The following DCC variants were observed in gnomAD, a reference collection of about 807,000 sequenced individuals.
DCC encodes the protein netrin receptor DCC.
In DCC, 58 loss-of-function variants were observed where a neutral mutation model predicts 172.5. The ratio of observed to expected loss-of-function variants is 0.34; its 90% CI spans 0.27 to 0.42. The LOEUF is 0.42. DCC is among the 10% of genes least tolerant of loss of function. The pLI is 1.00. For synonymous variants in DCC, 709 were observed against 644.5 expected (o/e 1.10, Z -1.52); for missense variants, 1,740 against 1,791.0 (o/e 0.97, Z 0.51).
chr18:52,459,136 C>G (rs1040443228), intron 1 of DCC, among the ~76,000 whole-genome samples: 1 of 152,046 alleles, frequency 6.6e-6, no homozygotes, highest in African/African-American at 2.4e-5. Flanking sequence ...TCTCTGATAA[C>G]TCTCACATCA....
chr18:52,837,319 C>G (rs1378290226), intron 2 of DCC, among the ~76,000 whole-genome samples: 1 of 152,180 alleles, frequency 6.6e-6, no homozygotes, highest in East Asian at 1.9e-4. Context: ...TGAATTTCTC[C>G]CCAGAAAATG....
intron 8 of DCC, among the ~76,000 whole-genome samples, chr18:53,163,551 G>A (rs1046340091): frequency 3.3e-5 from 5 of 152,132 alleles, no homozygotes; most frequent in African/African-American, 1.2e-4. Context: ...CAATAACTTT[G>A]TCAGGAAAGT....
chr18:53,370,355 G>A (rs934198519), intron 15 of DCC, among the ~76,000 whole-genome samples: 1 of 151,496 alleles, frequency 6.6e-6, no homozygotes, highest in African/African-American at 2.4e-5. Flanking sequence ...AGTTCATCAA[G>A]CCAAAGGTTT....
At chr18:53,197,006 A>G (rs531251503) in intron 9 of DCC, among the ~76,000 whole-genome samples, 1 of 152,096 alleles carries the variant, frequency 6.6e-6, no homozygotes, top group Non-Finnish European at 1.5e-5. Context: ...CATTCCCCAT[A>G]CAGAATAGAA....
chr18:52,613,363 C>T (rs1359553860), intron 1 of DCC, among the ~76,000 whole-genome samples: 1 of 152,158 alleles, frequency 6.6e-6, no homozygotes, highest in African/African-American at 2.4e-5. Flanking sequence ...TCACACCATC[C>T]TCCTGCCTCA....
intron 2 of DCC, among the ~76,000 whole-genome samples, chr18:52,769,198 C>A (rs569104137): frequency 6.6e-6 from 1 of 152,292 alleles, no homozygotes; most frequent in Non-Finnish European, 1.5e-5. Context: ...TTTCCACTAG[C>A]AATTAATGAC....
chr18:52,364,594 G>T (rs1015021252), intron 1 of DCC, among the ~76,000 whole-genome samples: 1 of 152,132 alleles, frequency 6.6e-6, no homozygotes, highest in Non-Finnish European at 1.5e-5. Flanking sequence ...GCATTCCTCC[G>T]AAGATCCTCT....
intron 5 of DCC, among the ~76,000 whole-genome samples, chr18:52,965,625 G>C (rs149206121): frequency 0.013 from 2,050 of 152,076 alleles, 61 homozygotes; most frequent in African/African-American, 0.047. Context: ...AAGGTATTTG[G>C]TTATTTCAAT....
intron 7 of DCC, among the ~76,000 whole-genome samples, chr18:53,107,386 T>G (rs954988604): frequency 6.6e-6 from 1 of 151,710 alleles, no homozygotes; most frequent in Admixed American, 6.6e-5. Flanking sequence ...ATTGGGCCCA[T>G]TTTTCTGGCC....
intron 19 of DCC, among the ~76,000 whole-genome samples, chr18:53,405,917 A>G (rs972199667): frequency 6.6e-6 from 1 of 152,188 alleles, no homozygotes; most frequent in African/African-American, 2.4e-5. Flanking sequence ...TAATTATTAC[A>G]CTATGTTTTG....
intron 24 of DCC, among the ~76,000 whole-genome samples, chr18:53,464,979 C>CAAAAAAAAAAAAAA (rs71179510): frequency 3.6e-5 from 2 of 54,826 alleles, no homozygotes; most frequent in Non-Finnish European, 7.6e-5. Context: ...AACTCAATCT[C>CAAAAAAAAAAAAAA]AAAAAAAAAA....
chr18:52,770,943 G>A (rs1262312278), intron 2 of DCC, among the ~76,000 whole-genome samples: 4 of 152,160 alleles, frequency 2.6e-5, no homozygotes, highest in Admixed American at 2.0e-4. Context: ...TCTATACATG[G>A]TTCCTCACAT....
At chr18:53,011,196 T>C (rs1268828850) in intron 5 of DCC, among the ~76,000 whole-genome samples, 1 of 151,648 alleles carries the variant, frequency 6.6e-6, no homozygotes, top group Admixed American at 6.6e-5. Flanking sequence ...TTTGATAAAT[T>C]GTTGTGTTTA....
At chr18:53,004,169 G>GT (rs568089065) in intron 5 of DCC, among the ~76,000 whole-genome samples, 14 of 152,272 alleles carry the variant, frequency 9.2e-5, no homozygotes, top group Middle Eastern at 3.4e-3. Context: ...CTTTCTTATG[G>GT]TTTAGGGAGT....
At chr18:53,213,692 C>A (rs2055796277) in intron 11 of DCC, among the ~76,000 whole-genome samples, 1 of 143,268 alleles carries the variant, frequency 7.0e-6, no homozygotes, top group East Asian at 2.1e-4. Flanking sequence ...CTCAATATCA[C>A]TTAATATTAA....
chr18:53,317,951 T>A (rs2057362475), intron 13 of DCC, among the ~76,000 whole-genome samples: 1 of 152,218 alleles, frequency 6.6e-6, no homozygotes, highest in Non-Finnish European at 1.5e-5. Context: ...CATTGATTTT[T>A]TTGAAGGGTT....
chr18:52,948,437 A>G (rs2040584335), intron 5 of DCC, among the ~76,000 whole-genome samples: 1 of 152,182 alleles, frequency 6.6e-6, no homozygotes. Flanking sequence ...TTTCAAAGCT[A>G]TCATTTATTG....
chr18:52,944,680 C>T (rs1373910092), intron 5 of DCC, among the ~76,000 whole-genome samples: 1 of 152,062 alleles, frequency 6.6e-6, no homozygotes, highest in African/African-American at 2.4e-5. Flanking sequence ...GGATATCTTC[C>T]CCCTTCTACC....
intron 19 of DCC, among the ~76,000 whole-genome samples, chr18:53,404,112 C>T (rs1909496038): frequency 6.6e-6 from 1 of 151,656 alleles, no homozygotes; most frequent in Non-Finnish European, 1.5e-5. Flanking sequence ...TTCATTGGTT[C>T]TATGTCAGTA....
Sources: allele counts gnomAD v4.1 joint callset (sites outside exome capture counted in the v4.1 genomes callset), GRCh38; gene constraint gnomAD v4.1.1; transcripts MANE v1.5; gene names NCBI Gene and HGNC (gene_info 2026-07-23, HGNC 2026-07-21).